The following LETM1 variants were observed in gnomAD, a reference collection of about 807,000 sequenced individuals.
LETM1 encodes mitochondrial proton/calcium exchanger protein.
Under a neutral mutation model 74.5 loss-of-function variants are expected in LETM1, and 50 were observed. That is an observed-to-expected ratio of 0.67 (90% CI 0.53 to 0.85). The LOEUF is 0.85. LETM1 is among the 40% of genes least tolerant of loss of function. The probability of loss-of-function intolerance (pLI) is 0.00; values close to 1 mark genes in which losing one functional copy is unlikely to be tolerated. For synonymous variants in LETM1, 446 were observed against 407.1 expected (o/e 1.10, Z -1.15); for missense variants, 824 against 967.8 (o/e 0.85, Z 1.97).
In LETM1 at chr4:1,849,496, G is replaced by A. The variant is rs149299204; in HGVS notation, c.83-287C>T. ...TTGGCCAGGCTGGTCTCAAACTGCC[G>A]ACCTCAGGTGATCCGCCCGCCTTGG... On this transcript the variant is annotated intron_variant, in intron 1 of 13. Transcript: ENST00000302787. 1.0e-3 allele frequency among the ~76,000 whole-genome samples: 158 copies of A among 152,180 alleles called. 1 individual carries two copies. In the East Asian group the frequency reaches 0.028, roughly 27 times the overall value.
At chr4:1,841,929 C>A in intron 2 of LETM1, 132 bp from the exon 3 acceptor site, 1 of 707,830 alleles carries the variant, frequency 1.4e-6, no homozygotes, top group Non-Finnish European at 2.4e-6. Flanking sequence ...ACAATCCCAC[C>A]TACTTCCTGA....
Position 1,814,562 on chromosome 4 carries a change from C to G in LETM1, c.2082G>C (p.Leu694=). The G allele has an allele frequency of 1.9e-6, 3 of 1,613,402 alleles. No individual in the cohort carries two copies. Among genetic ancestry groups the G allele is most frequent in the Non-Finnish European group, 2.5e-6 (3 of 1,179,666 alleles). Residue 694 remains leucine, a synonymous_variant, in exon 14 of 14, where the codon CTG becomes CTC. Transcript: ENST00000302787. ...AGATGTGAACATCTTCTTTGTCCAC[C>G]AGCTCAATCACCTACACACGTGGGA... ...NIDDLVKVIE[L]VDKEDVHIST...
intron 3 of LETM1, 118 bp downstream of exon 3, chr4:1,841,229 C>T (rs1712676159): frequency 1.1e-6 from 1 of 884,762 alleles, no homozygotes; most frequent in South Asian, 1.7e-5. Flanking sequence ...CCTGTGGTCC[C>T]AGATACTCGG....
chr4:1,818,700 AG>A (rs1711665747), intron 11 of LETM1, among the ~76,000 whole-genome samples: 2 of 152,332 alleles, frequency 1.3e-5, no homozygotes, highest in African/African-American at 4.8e-5. Context: ...CCACCATGGA[AG>A]AAAAGAAAAA....
Position 1,822,442 on chromosome 4 carries a change from C to T in LETM1, c.1477-130G>A, listed in dbSNP as rs986932699. On this transcript the variant is annotated intron_variant, in intron 9 of 13. Coordinates refer to ENST00000302787, the MANE Select transcript of LETM1 (RefSeq NM_012318.3). ...CCTGCAGGTGACATTGGGCAGCACA[C>T]CTGCCACAGAAGGTCCCTAGGGAGG... is the stretch of plus-strand genomic sequence containing the variant. 9.1e-6 allele frequency: 10 copies of T among 1,095,234 alleles called. No individual in the cohort carries two copies. The African/African-American group carries it at 9.8e-5, about 11-fold the overall frequency. 67.8% of individuals were successfully genotyped at this position (1,095,234 alleles called of 1,614,324 possible). A position where few individuals can be genotyped will look rare whatever the true frequency, so the allele number is the denominator to read the frequency against.
At chr4:1,850,644 G>GAA (rs535769857) in intron 1 of LETM1, among the ~76,000 whole-genome samples, 11 of 74,354 alleles carry the variant, frequency 1.5e-4, no homozygotes, top group Non-Finnish European at 3.2e-4. Context: ...CTCTGTCTCA[G>GAA]AAAAAAAAAA....
At chr4:1,852,758 C>T (rs909077939) in intron 1 of LETM1, among the ~76,000 whole-genome samples, 1 of 152,150 alleles carries the variant, frequency 6.6e-6, no homozygotes, top group African/African-American at 2.4e-5. Flanking sequence ...GTTAAAACAT[C>T]AGCTGGCAGG....
intron 2 of LETM1, among the ~76,000 whole-genome samples, chr4:1,842,212 C>T (rs926677766): frequency 1.3e-5 from 2 of 152,170 alleles, no homozygotes; most frequent in African/African-American, 2.4e-5. Context: ...TGGAGGTCCT[C>T]TCCTCCAACA....
chr4:1,840,181 C>T (rs1712637167), intron 3 of LETM1, among the ~76,000 whole-genome samples: 1 of 152,182 alleles, frequency 6.6e-6, no homozygotes, highest in Non-Finnish European at 1.5e-5. Flanking sequence ...AGTTCGAGAG[C>T]AGCCTGGCCA....
intron 7 of LETM1, among the ~76,000 whole-genome samples, 165 bp downstream of exon 7, chr4:1,825,399 C>T (rs1009349408): frequency 2.6e-5 from 4 of 152,244 alleles, no homozygotes; most frequent in Non-Finnish European, 5.9e-5. Context: ...GCGGTAGGAG[C>T]AGAAGGGCGA....
At chr4:1,829,280 C>G (rs1223418886) in intron 6 of LETM1, among the ~76,000 whole-genome samples, 1 of 142,770 alleles carries the variant, frequency 7.0e-6, no homozygotes, top group African/African-American at 2.6e-5. Context: ...CTCCTCACTT[C>G]CCAGTAGGGG....
chr4:1,831,098 G>A (rs1007089796), intron 6 of LETM1, among the ~76,000 whole-genome samples: 1 of 152,320 alleles, frequency 6.6e-6, no homozygotes, highest in African/African-American at 2.4e-5. Context: ...CTGCAGACAA[G>A]GAAGGCAGCC....
rs556661189 is a variant in LETM1, at chr4:1,811,623, C to G, written c.*2801G>C. 1 of 152,372 alleles carries G rather than the reference C, an allele frequency of 6.6e-6. No homozygotes were observed. Among genetic ancestry groups the G allele is most frequent in the Non-Finnish European group, 1.5e-5 (1 of 68,100 alleles). 9.4% of individuals were successfully genotyped at this position (152,372 alleles called of 1,614,324 possible). A position where few individuals can be genotyped will look rare whatever the true frequency, so the allele number is the denominator to read the frequency against. Reference sequence around the variant, plus strand: ...GACAGAGCCGGCTCACCAGCACACTCCTGCCAGCACCGGGACCCACTGCGA... The same window carrying G: ...GACAGAGCCGGCTCACCAGCACACTGCTGCCAGCACCGGGACCCACTGCGA... On this transcript the variant is annotated 3_prime_UTR_variant, in exon 14 of 14. Coordinates refer to ENST00000302787, the MANE Select transcript of LETM1 (RefSeq NM_012318.3).
intron 6 of LETM1, among the ~76,000 whole-genome samples, chr4:1,830,885 T>A (rs1187825513): frequency 2.0e-5 from 3 of 152,080 alleles, no homozygotes; most frequent in Non-Finnish European, 2.9e-5. Flanking sequence ...GCAGCTGACC[T>A]CCTCCGGTGC....
chr4:1,826,408 C>T (rs1262131347), intron 6 of LETM1, among the ~76,000 whole-genome samples: 1 of 152,244 alleles, frequency 6.6e-6, no homozygotes, highest in South Asian at 2.1e-4. Context: ...AACAAAGCTC[C>T]CATGCATCAG....
At chr4:1,819,183 C>T (rs1711686678) in intron 11 of LETM1, among the ~76,000 whole-genome samples, 155 bp downstream of exon 11, 1 of 152,086 alleles carries the variant, frequency 6.6e-6, no homozygotes, top group Non-Finnish European at 1.5e-5. Flanking sequence ...GGAAAGGTTA[C>T]TGAATAAGGT....
intron 7 of LETM1, 39 bp from the exon 8 acceptor site, chr4:1,823,814 C>G (rs916851279): frequency 3.2e-6 from 5 of 1,579,302 alleles, no homozygotes; most frequent in Non-Finnish European, 4.3e-6. Context: ...GGCAGCCCCC[C>G]AACCCTGCTG....
At chr4:1,835,785 T>G (rs1712445473) in intron 4 of LETM1, among the ~76,000 whole-genome samples, 1 of 152,140 alleles carries the variant, frequency 6.6e-6, no homozygotes, top group Admixed American at 6.6e-5. Context: ...AAACCTGTAT[T>G]TTAAAATACA....
intron 2 of LETM1, among the ~76,000 whole-genome samples, 172 bp downstream of exon 2, chr4:1,848,977 G>C (rs962618270): frequency 1.9e-4 from 29 of 152,170 alleles, no homozygotes; most frequent in African/African-American, 6.5e-4. Context: ...TAGATTCACT[G>C]AGGCATGTGA....
Sources: gnomAD v4.1 joint callset for allele counts (sites outside exome capture counted in the v4.1 genomes callset) on GRCh38, gnomAD v4.1.1 for gene constraint, MANE v1.5 for transcripts, NCBI Gene and HGNC (gene_info 2026-07-23, HGNC 2026-07-21) for gene names.